The following NHLRC2 variants were observed in gnomAD, a reference collection of about 807,000 sequenced individuals.
NHLRC2 encodes NHL repeat-containing protein 2.
NHLRC2 carries 33 observed loss-of-function variants against 68.1 expected under a neutral mutation model. The observed-to-expected ratio is 0.48, with a 90% CI of 0.37 to 0.65. The LOEUF is 0.65. Ranked by LOEUF, NHLRC2 falls within the 30% of genes least tolerant of loss-of-function variation. The probability of loss-of-function intolerance (pLI) is 0.00; values close to 1 mark genes in which losing one functional copy is unlikely to be tolerated. For missense variants in NHLRC2, 761 were observed against 853.8 expected, an observed-to-expected ratio of 0.89 and a Z score of 1.35; for synonymous variants, 311 against 309.6, an observed-to-expected ratio of 1.00 and a Z score of -0.05.
rs1230502506 is a variant in NHLRC2 at position 113,914,160 on chromosome 10, G to C, written c.*5624G>C. The stretch of plus-strand genomic sequence containing the variant: ...GCCACCGTACCCAGCCTAGCATTAG[G>C]TACTTTGTTTTGTTTTGTTTTGTTT... On this transcript the variant is annotated 3_prime_UTR_variant, in exon 11 of 11. Transcript: ENST00000369301. 1 of 145,852 alleles carries C rather than the reference G, an allele frequency of 6.9e-6. No individual in the cohort carries two copies. The highest frequency in any genetic ancestry group is 1.5e-5 in the Non-Finnish European group (1 of 66,900). The allele number at this position is 145,852 out of a possible 1,614,324, so 9.0% of individuals were successfully genotyped here.
At position 113,864,628 on chromosome 10, in the gene NHLRC2, C is replaced by A. The variant is rs1845846475; in HGVS notation, c.331+5948C>A. Among the ~76,000 whole-genome samples the A allele has an allele frequency of 2.0e-5, 3 of 150,482 alleles. No individual in the cohort carries two copies. In the South Asian group the frequency reaches 6.4e-4, roughly 32 times the overall value. On this transcript the variant is annotated intron_variant, in intron 2 of 10. Transcript: ENST00000369301. ...AAGAGAATCGCTTGAACCCACGAGG[C>A]AGAGATTGCAGTGAGCTGAGATTGC...
intron 3 of NHLRC2, among the ~76,000 whole-genome samples, chr10:113,877,626 A>G (rs1379210840): frequency 1.3e-5 from 2 of 152,176 alleles, no homozygotes; most frequent in Non-Finnish European, 2.9e-5. Flanking sequence ...AACTCTACTG[A>G]GTACATTCTT....
chr10:113,881,619 C>G (rs1846036833), intron 4 of NHLRC2, among the ~76,000 whole-genome samples: 1 of 151,686 alleles, frequency 6.6e-6, no homozygotes, highest in South Asian at 2.1e-4. Context: ...TACCTATAAG[C>G]AGCCATTGTG....
intron 5 of NHLRC2, among the ~76,000 whole-genome samples, chr10:113,892,096 CTT>C (rs1208837107): frequency 6.6e-6 from 1 of 152,188 alleles, no homozygotes; most frequent in Non-Finnish European, 1.5e-5. Context: ...GGTTTAGAGA[CTT>C]TGTAGAAACA....
chr10:113,879,592 A>G lies in NHLRC2; in HGVS notation c.806A>G (p.Lys269Arg), dbSNP rs1021281887. Residue 269 changes from lysine to arginine, a missense_variant, in exon 4 of 11, where the codon AAA becomes AGA. Physicochemically the swap from Lys to Arg is conservative, Grantham distance 26. Coordinates refer to ENST00000369301, the MANE Select transcript of NHLRC2 (RefSeq NM_198514.4). Reference sequence around the variant, plus strand: ...ATTTTAGGACCCAACCCTGGAAGAAAAGATGGAATATTTTCAGAATCAACT... The same window carrying G: ...ATTTTAGGACCCAACCCTGGAAGAAGAGATGGAATATTTTCAGAATCAACT... ...YSIGGPNPGR[K>R]DGIFSESTFN... 2.5e-6 allele frequency: 4 copies of G among 1,602,748 alleles called. No individual in the cohort carries two copies. Among genetic ancestry groups the G allele is most frequent in the African/African-American group, 2.7e-5 (2 of 74,174 alleles).
At chr10:113,855,968 T>C (rs1474144851) in intron 1 of NHLRC2, among the ~76,000 whole-genome samples, 1 of 152,218 alleles carries the variant, frequency 6.6e-6, no homozygotes, top group Non-Finnish European at 1.5e-5. Context: ...TCACAGCTGA[T>C]AACTGCCCCA....
rs1189101756 is a variant in NHLRC2 at position 113,898,225 on chromosome 10, T to C, written c.1139+16T>C. The C allele has an allele frequency of 7.4e-6, 11 of 1,489,688 alleles. No individual in the cohort carries two copies. The highest frequency in any genetic ancestry group is 8.4e-6 in the Non-Finnish European group (9 of 1,066,996). The allele number at this position is 1,489,688 out of a possible 1,614,324, so 92.3% of individuals were successfully genotyped here. The stretch of plus-strand genomic sequence containing the variant: ...CAAAGAAAAAGTAAGTGACAGCCTC[T>C]CTCTTTGAGTAGACTGTACTACTTG... On this transcript the variant is annotated intron_variant, in intron 6 of 10. Coordinates refer to ENST00000369301, the MANE Select transcript of NHLRC2 (RefSeq NM_198514.4).
rs553066240 is a variant in NHLRC2 at position 113,909,416 on chromosome 10, G to A, written c.*880G>A. The A allele has an allele frequency of 1.3e-5, 2 of 152,104 alleles. No homozygotes were observed. The highest frequency in any genetic ancestry group is 2.9e-5 in the Non-Finnish European group (2 of 67,996). 9.4% of individuals were successfully genotyped at this position (152,104 alleles called of 1,614,324 possible). ...TGTTTTGGAAATGTACATTTCACTTGTAAGCATTAAATGCAGATTTGTTGA... is the reference window on the plus strand; with the variant it reads ...TGTTTTGGAAATGTACATTTCACTTATAAGCATTAAATGCAGATTTGTTGA... On this transcript the variant is annotated 3_prime_UTR_variant, in exon 11 of 11. Transcript: ENST00000369301.
At chr10:113,899,803 A>G (rs1428834223) in intron 6 of NHLRC2, among the ~76,000 whole-genome samples, 1 of 152,154 alleles carries the variant, frequency 6.6e-6, no homozygotes, top group Non-Finnish European at 1.5e-5. Flanking sequence ...CTGTAATCCC[A>G]GCTACTCAGG....
chr10:113,904,030 G>T (rs974969318), intron 9 of NHLRC2, among the ~76,000 whole-genome samples: 2 of 150,010 alleles, frequency 1.3e-5, no homozygotes, highest in African/African-American at 2.4e-5. Context: ...GTTTTTAAGT[G>T]TACAGACATA....
intron 2 of NHLRC2, among the ~76,000 whole-genome samples, chr10:113,866,995 T>G (rs1036681532): frequency 6.6e-6 from 1 of 152,170 alleles, no homozygotes; most frequent in African/African-American, 2.4e-5. Flanking sequence ...TTTGGGATGT[T>G]GCCAACCAGA....
At chr10:113,898,983 CAT>C (rs2134733111) in intron 6 of NHLRC2, among the ~76,000 whole-genome samples, 1 of 152,214 alleles carries the variant, frequency 6.6e-6, no homozygotes, top group East Asian at 1.9e-4. Flanking sequence ...CAAAGTTTCT[CAT>C]ATTTTTTTTC....
intron 5 of NHLRC2, among the ~76,000 whole-genome samples, chr10:113,885,122 G>A (rs1846069582): frequency 6.6e-6 from 1 of 151,782 alleles, no homozygotes; most frequent in African/African-American, 2.4e-5. Flanking sequence ...TATTTAAAGA[G>A]TATATAAGTA....
chr10:113,866,538 AAGTC>A (rs1369882011), intron 2 of NHLRC2, among the ~76,000 whole-genome samples: 3 of 152,162 alleles, frequency 2.0e-5, no homozygotes, highest in Non-Finnish European at 4.4e-5. Context: ...ATGTATAACT[AAGTC>A]AGACTTCTAA....
rs112329077 is a variant in NHLRC2, at chr10:113,908,382, T to C, written c.2027T>C (p.Leu676Pro). 1.2e-6 allele frequency: 2 copies of C among 1,614,120 alleles called. No individual in the cohort carries two copies. The highest frequency in any genetic ancestry group is 2.2e-5 in the South Asian group (2 of 91,084). ...SLQIPDDCLS[L>P]EAIVSVSVFL... ...CAAATTCCTGATGATTGCTTATCAC[T>C]TGAAGCCATTGTATCTGTCAGTGTG... The change falls in exon 11 of 11, where the codon CTT (leucine) becomes CCT (proline). Residue 676 changes from leucine (L) to proline (P), a missense_variant. Coordinates refer to ENST00000369301, the MANE Select transcript of NHLRC2 (RefSeq NM_198514.4).
chr10:113,901,819 T>G lies in NHLRC2; in HGVS notation c.1293T>G (p.Ser431Arg). 1 of 1,614,124 alleles carries G rather than the reference T, an allele frequency of 6.2e-7. No homozygotes were observed. The highest frequency in any genetic ancestry group is 8.5e-7 in the Non-Finnish European group (1 of 1,179,998). Residue 431 changes from serine (S) to arginine (R), a missense_variant, in exon 7 of 11, where the codon AGT (serine) becomes AGG (arginine). Ser to Arg is a moderately radical substitution (Grantham distance 110, BLOSUM62 -1). Transcript: ENST00000369301. ...GGAGCTGCTTGTTTGTAGCAGATAG[T>G]GAGAGCAGTACAGTGAGAACCGTTT... ...DPWSCLFVAD[S>R]ESSTVRTVSL...
At chr10:113,866,155 G>A (rs75397533) in intron 2 of NHLRC2, among the ~76,000 whole-genome samples, 3,603 of 152,348 alleles carry the variant, frequency 0.024, 142 homozygotes, top group African/African-American at 0.082. Context: ...ATAGGGGCCA[G>A]TGCCACTTTC....
intron 2 of NHLRC2, among the ~76,000 whole-genome samples, chr10:113,860,864 T>A (rs557025750): frequency 4.6e-5 from 7 of 152,258 alleles, no homozygotes; most frequent in African/African-American, 1.7e-4. Context: ...GTTGAGAAAG[T>A]ATGTTTAATG....
intron 5 of NHLRC2, among the ~76,000 whole-genome samples, chr10:113,895,417 G>A (rs1343707649): frequency 1.3e-5 from 2 of 152,178 alleles, no homozygotes; most frequent in African/African-American, 4.8e-5. Context: ...ATGTAAGATA[G>A]TGATAAATTC....
Sources: allele counts gnomAD v4.1 joint callset (sites outside exome capture counted in the v4.1 genomes callset), GRCh38; gene constraint gnomAD v4.1.1; transcripts MANE v1.5; gene names NCBI Gene and HGNC (gene_info 2026-07-23, HGNC 2026-07-21).